The following CC2D2A variants were observed in gnomAD, a reference collection of about 807,000 sequenced individuals.
CC2D2A encodes coiled-coil and C2 domain-containing protein 2A.
Under a neutral mutation model 212.9 loss-of-function variants are expected in CC2D2A, and 155 were observed. The observed-to-expected ratio is 0.73, with a 90% CI of 0.64 to 0.83. CC2D2A has a LOEUF of 0.83. Among genes scored for constraint, CC2D2A ranks in the 40% least tolerant of loss-of-function variants. The probability of loss-of-function intolerance (pLI) is 0.00; values close to 1 mark genes in which losing one functional copy is unlikely to be tolerated. For synonymous variants in CC2D2A, 667 were observed against 686.5 expected, an observed-to-expected ratio of 0.97 and a Z score of 0.44; for missense variants, 1,856 against 1,956.2, an observed-to-expected ratio of 0.95 and a Z score of 0.97.
intron 35 of CC2D2A, 48 bp downstream of exon 35, chr4:15,597,513 A>G: frequency 2.8e-6 from 4 of 1,425,040 alleles, no homozygotes; most frequent in Non-Finnish European, 3.9e-6. Flanking sequence ...CTAGGAGTAT[A>G]ATACCAAACT....
chr4:15,515,140 T>A (rs971176281), intron 9 of CC2D2A, among the ~76,000 whole-genome samples: 3 of 152,244 alleles, frequency 2.0e-5, no homozygotes, highest in African/African-American at 7.2e-5. Context: ...TTAGAGTTTA[T>A]GAGAACAGCC....
At chr4:15,490,458 T>C (rs1415039299) in intron 4 of CC2D2A, among the ~76,000 whole-genome samples, 4 of 152,236 alleles carry the variant, frequency 2.6e-5, no homozygotes, top group Admixed American at 1.3e-4. Context: ...GTAAGTATTG[T>C]AGCATGTATC....
At chr4:15,547,542 G>A (rs1197447072) in intron 17 of CC2D2A, among the ~76,000 whole-genome samples, 1 of 152,010 alleles carries the variant, frequency 6.6e-6, no homozygotes, top group Non-Finnish European at 1.5e-5. Flanking sequence ...TCCCACATAT[G>A]AGTGAGAGGC....
chr4:15,544,064 T>G (rs1378645533), intron 17 of CC2D2A: 1 of 152,036 alleles, frequency 6.6e-6, no homozygotes, highest in African/African-American at 2.4e-5. Context: ...CTAGGGAGAG[T>G]TGAATTCTGA....
At chr4:15,587,708 C>G (rs577342812) in intron 31 of CC2D2A, 108 bp from the exon 32 acceptor site, 1 of 611,996 alleles carries the variant, frequency 1.6e-6, no homozygotes, top group African/African-American at 1.9e-5. Context: ...GATTATAGGT[C>G]TTACACTTCA....
chr4:15,512,356 G>A (rs978193812), intron 8 of CC2D2A, among the ~76,000 whole-genome samples: 21 of 152,142 alleles, frequency 1.4e-4, no homozygotes, highest in Admixed American at 7.2e-4. Context: ...ATATACAATG[G>A]AATATTATAC....
intron 36 of CC2D2A, 38 bp from the exon 37 acceptor site, chr4:15,601,199 A>G (rs746013443): frequency 6.6e-7 from 1 of 1,523,604 alleles, no homozygotes; most frequent in Non-Finnish European, 9.0e-7. Context: ...TTAAATCTTC[A>G]AACTTCACTA....
intron 1 of CC2D2A, among the ~76,000 whole-genome samples, chr4:15,472,478 G>C (rs576120603): frequency 6.6e-6 from 1 of 151,970 alleles, no homozygotes; most frequent in South Asian, 2.1e-4. Context: ...AATAAATTTC[G>C]GTGTCATTTG....
chr4:15,584,147 A>C (rs1000572925), intron 30 of CC2D2A, among the ~76,000 whole-genome samples: 3 of 152,170 alleles, frequency 2.0e-5, no homozygotes, highest in Non-Finnish European at 2.9e-5. Flanking sequence ...GAAATAGAAA[A>C]AAAAAATCTT....
chr4:15,569,415 A>T, intron 27 of CC2D2A, 26 bp downstream of exon 27: 1 of 1,286,222 alleles, frequency 7.8e-7, no homozygotes, highest in Non-Finnish European at 1.1e-6. Flanking sequence ...TAAGAAAGAC[A>T]CTTGTATTCA....
At chr4:15,503,927 G>T (rs746112049) in intron 6 of CC2D2A, among the ~76,000 whole-genome samples, 1 of 152,144 alleles carries the variant, frequency 6.6e-6, no homozygotes, top group Non-Finnish European at 1.5e-5. Flanking sequence ...GCCAGGAAAA[G>T]AAACAGAGAG....
At chr4:15,524,554 C>T (rs1717402924) in intron 11 of CC2D2A, among the ~76,000 whole-genome samples, 1 of 150,132 alleles carries the variant, frequency 6.7e-6, no homozygotes, top group African/African-American at 2.4e-5. Context: ...GGGTTCACGC[C>T]ATTCTCCTGC....
Position 15,579,833 on chromosome 4 carries a change from C to A in CC2D2A, c.3772-135C>A, listed in dbSNP as rs1720577685. ...AATTTAAATAAAGCTGCAGGGACAC[C>A]AGGACATGACAGCTTTGTAAGGAGT... On this transcript the variant is annotated intron_variant, in intron 29 of 36. Transcript: ENST00000424120. The A allele has an allele frequency of 7.5e-6, 5 of 663,214 alleles. No individual in the cohort carries two copies. The Admixed American group carries it at 1.1e-4, about 15-fold the overall frequency. 41.1% of individuals were successfully genotyped at this position (663,214 alleles called of 1,614,324 possible).
chr4:15,590,908 G>T (rs1387584794), intron 33 of CC2D2A, among the ~76,000 whole-genome samples: 1 of 151,768 alleles, frequency 6.6e-6, no homozygotes, highest in East Asian at 1.9e-4. Context: ...GGCTAATTTA[G>T]TAAGAGATGA....
rs140342539 is a variant in CC2D2A, at chr4:15,581,440, T to C, written c.3975+1269T>C. 1.6e-3 allele frequency among the ~76,000 whole-genome samples: 245 copies of C among 152,266 alleles called. 2 individuals are homozygous for C. Among genetic ancestry groups the C allele is most frequent in the African/African-American group, 5.2e-3 (214 of 41,546 alleles). ...ATTCTACAATGATGAAAGCTTGAAA[T>C]AGTGTTTGCTCTCAGGTCATCTGAT... On this transcript the variant is annotated intron_variant, in intron 30 of 36. Transcript: ENST00000424120.
chr4:15,571,590 G>A (rs1460168173), intron 28 of CC2D2A, among the ~76,000 whole-genome samples: 4 of 137,324 alleles, frequency 2.9e-5, no homozygotes, highest in African/African-American at 5.4e-5. Flanking sequence ...GCAACAGAGC[G>A]AGACTCCGTT....
In CC2D2A at chr4:15,551,319, G is replaced by A. The variant is rs951666946; in HGVS notation, c.2338+339G>A. Among the ~76,000 whole-genome samples the A allele has an allele frequency of 3.9e-5, 6 of 152,180 alleles. 1 individual carries two copies. The highest frequency in any genetic ancestry group is 2.0e-4 in the Admixed American group (3 of 15,276). On this transcript the variant is annotated intron_variant, in intron 18 of 36. Coordinates refer to ENST00000424120, the MANE Select transcript of CC2D2A (RefSeq NM_001378615.1). ...TGTATGCATAAAAATGTACATCACA[G>A]TGTTGTTCATAAGCCCAAAAAGTTT...
chr4:15,595,887 T>C, intron 33 of CC2D2A, 198 bp from the exon 34 acceptor site: 1 of 378,410 alleles, frequency 2.6e-6, no homozygotes, highest in East Asian at 4.0e-5. Flanking sequence ...TGTGAAAAAA[T>C]GGCCAATGAC....
Position 15,524,314 on chromosome 4 carries a change from G to A in CC2D2A, c.1150-3133G>A, listed in dbSNP as rs1340375665. 1.3e-5 allele frequency among the ~76,000 whole-genome samples: 2 copies of A among 151,798 alleles called. 1 individual carries two copies. The highest frequency in any genetic ancestry group is 2.9e-5 in the Non-Finnish European group (2 of 67,974). On this transcript the variant is annotated intron_variant, in intron 11 of 36. Coordinates refer to ENST00000424120, the MANE Select transcript of CC2D2A (RefSeq NM_001378615.1). ...AACCCGGCTAACTTTTGTATTTTTA[G>A]TAGAGACGGGATTTCACCATCTTGG...
Sources: allele counts gnomAD v4.1 joint callset (sites outside exome capture counted in the v4.1 genomes callset), GRCh38; gene constraint gnomAD v4.1.1; transcripts MANE v1.5; gene names NCBI Gene and HGNC (gene_info 2026-07-23, HGNC 2026-07-21).